Variants in ACSF2 observed in about 807,000 individuals in gnomAD.
ACSF2 encodes the protein medium-chain acyl-CoA ligase ACSF2, mitochondrial.
In ACSF2, 52 loss-of-function variants were observed where a neutral mutation model predicts 79.3. The ratio of observed to expected loss-of-function variants is 0.66; its 90% CI spans 0.53 to 0.83. The LOEUF (loss-of-function observed/expected upper bound fraction) is 0.83. Ranked by LOEUF, ACSF2 falls within the 40% of genes least tolerant of loss-of-function variation. The probability of loss-of-function intolerance (pLI) is 0.00; values close to 1 mark genes in which losing one functional copy is unlikely to be tolerated. For synonymous variants in ACSF2, 283 were observed against 312.6 expected, an observed-to-expected ratio of 0.91 and a Z score of 1.00; for missense variants, 661 against 803.3, an observed-to-expected ratio of 0.82 and a Z score of 2.14.
In ACSF2 at chr17:50,472,487, G is replaced by C; in HGVS notation, c.1383G>C (p.Leu461=). ...TLAKLNTPGE[L]CIRGYCVMLG... ...CAAAGCTGAACACGCCCGGGGAGCT[G>C]TGCATCCGAGGGTACTGCGTCATGC... The change falls in exon 12 of 16, where the codon CTG becomes CTC. Residue 461 remains leucine, a synonymous_variant. Transcript: ENST00000300441. 1 of 1,613,168 alleles carries C rather than the reference G, an allele frequency of 6.2e-7. No homozygotes were observed. The highest frequency in any genetic ancestry group is 2.2e-5 in the East Asian group (1 of 44,800).
chr17:50,448,188 C>T (rs948160873), intron 1 of ACSF2, among the ~76,000 whole-genome samples: 10 of 152,232 alleles, frequency 6.6e-5, no homozygotes, highest in African/African-American at 2.4e-4. Context: ...AGCTGTACAG[C>T]ATGTTACTGT....
Position 50,463,036 on chromosome 17 carries a change from G to C in ACSF2, c.793-120G>C. 1.2e-6 allele frequency: 1 copy of C among 819,412 alleles called. No homozygotes were observed. Among genetic ancestry groups the C allele is most frequent in the Non-Finnish European group, 2.0e-6 (1 of 498,774 alleles). 50.8% of individuals were successfully genotyped at this position (819,412 alleles called of 1,614,324 possible). ...AGACCTTTTGCAAATATACTGAACA[G>C]ATGGATCTGGGGCAACAATCCCTGT... On this transcript the variant is annotated intron_variant, in intron 6 of 15. Coordinates refer to ENST00000300441, the MANE Select transcript of ACSF2 (RefSeq NM_025149.6). The surrounding 1 kb of genome is among the most constrained non-coding windows in gnomAD (Gnocchi z 4.6).
chr17:50,442,037 G>C (rs1183305241), intron 1 of ACSF2, among the ~76,000 whole-genome samples: 1 of 152,052 alleles, frequency 6.6e-6, no homozygotes, highest in Non-Finnish European at 1.5e-5. Context: ...GGGCACGGTG[G>C]CTCACACCTG....
At chr17:50,461,810 C>T in intron 4 of ACSF2, 124 bp downstream of exon 4, 2 of 1,269,490 alleles carry the variant, frequency 1.6e-6, no homozygotes, top group South Asian at 2.5e-5. Context: ...CGCAGAGTGT[C>T]CTTCCTTAGG....
chr17:50,465,843 TTAC>T, intron 10 of ACSF2: 1 of 1,613,602 alleles, frequency 6.2e-7, no homozygotes, highest in South Asian at 1.1e-5. Context: ...TTCAGCGTGG[TTAC>T]ACCCAGGAAG....
rs539923114 is a variant in ACSF2 at position 50,452,870 on chromosome 17, C to T, written c.129-7807C>T. 2.0e-5 allele frequency among the ~76,000 whole-genome samples: 3 copies of T among 152,262 alleles called. No homozygotes were observed. In the East Asian group the frequency reaches 5.8e-4, roughly 29 times the overall value. On this transcript the variant is annotated intron_variant, in intron 1 of 15. Transcript: ENST00000300441. The stretch of plus-strand genomic sequence containing the variant: ...AACTCTTTTAATTCCTTGGAAGAGC[C>T]ACCTGTTTCCAACTCAACCCTGCCC...
rs1023677772 is a variant in ACSF2, at chr17:50,463,667, G to A, written c.1046+115G>A. ...CCCTCCAGCCAGGAGACTGAGGATGGGGACAGTGGAGGACCCCCAGGAGAG... is the reference window on the plus strand; with the variant it reads ...CCCTCCAGCCAGGAGACTGAGGATGAGGACAGTGGAGGACCCCCAGGAGAG... On this transcript the variant is annotated intron_variant, in intron 8 of 15. Transcript: ENST00000300441. This position sits in a 1 kb window ranked among gnomAD's most constrained non-coding sequence, Gnocchi z 4.6. The A allele has an allele frequency of 6.6e-7, 1 of 1,525,702 alleles. No homozygotes were observed. Among genetic ancestry groups the A allele is most frequent in the South Asian group, 1.2e-5 (1 of 80,516 alleles). The allele number at this position is 1,525,702 out of a possible 1,614,324, so 94.5% of individuals were successfully genotyped here.
rs752508179 is a variant in ACSF2, at chr17:50,473,946, G to C, written c.1670G>C (p.Arg557Pro). ...GGGGAAGAGATTTGTGCCTGCATTC[G>C]GCTGAAGGACGGGGAGGAGACCACG... is the stretch of plus-strand genomic sequence containing the variant. ...RMGEEICACIRLKDGEETTVE... is the reference protein window; with the variant it reads ...RMGEEICACIPLKDGEETTVE... Residue 557 changes from arginine to proline, a missense_variant, in exon 14 of 16, where the codon CGG (arginine) becomes CCG (proline). Coordinates refer to ENST00000300441, the MANE Select transcript of ACSF2 (RefSeq NM_025149.6). The C allele has an allele frequency of 1.3e-6, 2 of 1,561,082 alleles. No individual in the cohort carries two copies. The highest frequency in any genetic ancestry group is 1.4e-5 in the African/African-American group (1 of 73,546).
At chr17:50,449,012 T>C (rs1056565848) in intron 1 of ACSF2, among the ~76,000 whole-genome samples, 2 of 140,108 alleles carry the variant, frequency 1.4e-5, no homozygotes, top group African/African-American at 5.4e-5. Flanking sequence ...TATGTAGTCT[T>C]TTTTTTTTTT....
At chr17:50,450,473 C>T (rs1429409108) in intron 1 of ACSF2, 1 of 151,036 alleles carries the variant, frequency 6.6e-6, no homozygotes, top group Non-Finnish European at 1.5e-5. Context: ...TGCACTCCAG[C>T]CTGGGAGATA....
intron 1 of ACSF2, among the ~76,000 whole-genome samples, chr17:50,445,532 C>T (rs111241682): frequency 0.011 from 1,712 of 152,194 alleles, 43 homozygotes; most frequent in African/African-American, 0.038. Flanking sequence ...TGGTGGCTCA[C>T]GTCTGTAATC....
intron 3 of ACSF2, 35 bp downstream of exon 3, chr17:50,461,405 CA>C: frequency 6.2e-7 from 1 of 1,612,666 alleles, no homozygotes; most frequent in South Asian, 1.1e-5. Flanking sequence ...GCTTGGTGTG[CA>C]TGGGGGAACA....
At chr17:50,438,263 ATAGTACT>A (rs1288042726) in intron 1 of ACSF2, among the ~76,000 whole-genome samples, 13 of 152,354 alleles carry the variant, frequency 8.5e-5, no homozygotes, top group African/African-American at 2.4e-4. Context: ...TGGATTCAAC[ATAGTACT>A]TAGTAAGCAG....
At chr17:50,434,453 G>A (rs138272277) in intron 1 of ACSF2, among the ~76,000 whole-genome samples, 8,129 of 152,200 alleles carry the variant, frequency 0.053, 695 homozygotes, top group African/African-American at 0.19. Context: ...TTGGGAGGCT[G>A]AGGCAGGTGG....
intron 9 of ACSF2, 88 bp from the exon 10 acceptor site, chr17:50,464,130 A>G (rs2277629): frequency 0.28 from 398,923 of 1,433,632 alleles, 57,901 homozygotes; most frequent in Middle Eastern, 0.32. Flanking sequence ...AGAAAAGGGA[A>G]TGTTCCTCCC....
intron 10 of ACSF2, chr17:50,468,037 C>T: frequency 6.3e-7 from 1 of 1,577,570 alleles, no homozygotes; most frequent in Non-Finnish European, 8.6e-7. Flanking sequence ...GCCAGGAGCT[C>T]ACCTTCTCCA....
chr17:50,468,721 G>T (rs1567862423), intron 10 of ACSF2: 1 of 1,611,484 alleles, frequency 6.2e-7, no homozygotes, highest in Non-Finnish European at 8.5e-7. Flanking sequence ...GCTGCAGGTC[G>T]CTGTGGCAGT....
intron 1 of ACSF2, among the ~76,000 whole-genome samples, chr17:50,431,056 G>C (rs1352030949): frequency 5.9e-5 from 9 of 152,164 alleles, no homozygotes; most frequent in Non-Finnish European, 7.4e-5. Context: ...ATAGTTACAA[G>C]AAATAGACTC....
intron 12 of ACSF2, chr17:50,472,970 A>G (rs943551020): frequency 6.2e-6 from 1 of 162,322 alleles, no homozygotes. Flanking sequence ...ACACCAAGAA[A>G]ATAGGCCAGG....
Sources: gnomAD v4.1 joint callset for allele counts (sites outside exome capture counted in the v4.1 genomes callset) on GRCh38, gnomAD v4.1.1 for gene constraint, Gnocchi (gnomAD v3.1) non-coding constraint, MANE v1.5 for transcripts, NCBI Gene and HGNC (gene_info 2026-07-23, HGNC 2026-07-21) for gene names.